The following SVEP1 variants were observed in gnomAD, a reference collection of about 807,000 sequenced individuals.
The protein encoded by SVEP1 is sushi, von Willebrand factor type A, EGF and pentraxin domain-containing protein 1.
Under a neutral mutation model 367.3 loss-of-function variants are expected in SVEP1, and 164 were observed. The ratio of observed to expected loss-of-function variants is 0.45; its 90% CI spans 0.39 to 0.51. The LOEUF is 0.51. Among genes scored for constraint, SVEP1 ranks in the 20% least tolerant of loss-of-function variants. The pLI is 0.00. For synonymous variants in SVEP1, 1,666 were observed against 1,611.6 expected, an observed-to-expected ratio of 1.03 and a Z score of -0.81; for missense variants, 4,117 against 4,425.3, an observed-to-expected ratio of 0.93 and a Z score of 1.98.
chr9:110,489,027 C>T (rs10759433), intron 9 of SVEP1, among the ~76,000 whole-genome samples: 5 of 152,288 alleles, frequency 3.3e-5, no homozygotes, highest in Middle Eastern at 3.4e-3. Context: ...TGGGTGACTC[C>T]GAATAAATGG....
At chr9:110,453,284 T>A (rs1376410019) in intron 22 of SVEP1, among the ~76,000 whole-genome samples, 1 of 152,098 alleles carries the variant, frequency 6.6e-6, no homozygotes, top group Non-Finnish European at 1.5e-5. Context: ...TATTATGGGG[T>A]CATTACTATT....
At chr9:110,531,855 C>T (rs1830022186) in intron 3 of SVEP1, among the ~76,000 whole-genome samples, 1 of 152,172 alleles carries the variant, frequency 6.6e-6, no homozygotes, top group Non-Finnish European at 1.5e-5. Flanking sequence ...ATGTGCACTA[C>T]TGTGGTTTTA....
At chr9:110,465,306 A>G (rs747151519) in intron 18 of SVEP1, among the ~76,000 whole-genome samples, 6 of 152,086 alleles carry the variant, frequency 3.9e-5, no homozygotes, top group Non-Finnish European at 5.9e-5. Flanking sequence ...AAAAAAAAAA[A>G]AAGAAAACCA....
At chr9:110,430,075 C>G in intron 33 of SVEP1, 71 bp from the exon 34 acceptor site, 1 of 1,476,578 alleles carries the variant, frequency 6.8e-7, no homozygotes, top group South Asian at 1.2e-5. Context: ...TTTCAAGGGG[C>G]AGCTCAAGAT....
intron 28 of SVEP1, 51 bp from the exon 29 acceptor site, chr9:110,435,415 G>C (rs952425291): frequency 1.3e-6 from 2 of 1,590,090 alleles, no homozygotes; most frequent in Non-Finnish European, 1.7e-6. Context: ...CATTAAGATG[G>C]AGTTATTACA....
At chr9:110,389,667 C>T in intron 40 of SVEP1, 80 bp from the exon 41 acceptor site, 4 of 1,536,938 alleles carry the variant, frequency 2.6e-6, no homozygotes, top group Non-Finnish European at 3.6e-6. Context: ...GTAATCTTAG[C>T]TATGGCCTTG....
At chr9:110,567,231 C>T (rs1830503168) in intron 1 of SVEP1, among the ~76,000 whole-genome samples, 1 of 152,084 alleles carries the variant, frequency 6.6e-6, no homozygotes, top group African/African-American at 2.4e-5. Context: ...TTGTCGTAAG[C>T]AAGCAGAGGG....
In SVEP1 at chr9:110,468,847, C is replaced by T. The variant is rs1408679739; in HGVS notation, c.3160+93G>A. On this transcript the variant is annotated intron_variant, in intron 17 of 47. Coordinates refer to ENST00000374469, the MANE Select transcript of SVEP1 (RefSeq NM_153366.4). ...TGCCACAGGGGCCTCAGACAAGAGC[C>T]GAGTGTTGGGTGAAGAAAATAAATC... 8 of 1,276,884 alleles carry T rather than the reference C, an allele frequency of 6.3e-6. No homozygotes were observed. In the East Asian group the frequency reaches 7.5e-5, roughly 12 times the overall value. 79.1% of individuals were successfully genotyped at this position (1,276,884 alleles called of 1,614,324 possible). A position where few individuals can be genotyped will look rare whatever the true frequency, so the allele number is the denominator to read the frequency against.
intron 12 of SVEP1, among the ~76,000 whole-genome samples, chr9:110,480,245 A>G (rs1829164232): frequency 6.6e-6 from 1 of 152,200 alleles, no homozygotes; most frequent in Non-Finnish European, 1.5e-5. Context: ...CTTGCATGGT[A>G]GACTTTGCAA....
At chr9:110,525,767 T>C (rs537890133) in intron 3 of SVEP1, among the ~76,000 whole-genome samples, 1 of 151,854 alleles carries the variant, frequency 6.6e-6, no homozygotes, top group Non-Finnish European at 1.5e-5. Flanking sequence ...CTGGCTGATT[T>C]TTTTTTTTTA....
intron 27 of SVEP1, among the ~76,000 whole-genome samples, chr9:110,439,955 CT>C (rs999446912): frequency 5.0e-4 from 76 of 151,966 alleles, no homozygotes; most frequent in Admixed American, 3.0e-3. Context: ...GATAAAAATG[CT>C]TTTTTTAACC....
intron 37 of SVEP1, 101 bp downstream of exon 37, chr9:110,410,962 G>A (rs1828034941): frequency 9.6e-7 from 1 of 1,044,752 alleles, no homozygotes; most frequent in African/African-American, 1.6e-5. Flanking sequence ...CCATGCCTTA[G>A]TGAACTTGGC....
At chr9:110,454,809 G>C (rs1176077968) in intron 22 of SVEP1, among the ~76,000 whole-genome samples, 2 of 152,106 alleles carry the variant, frequency 1.3e-5, no homozygotes, top group Non-Finnish European at 2.9e-5. Flanking sequence ...ACTATTAGAG[G>C]GGAGAAGAAA....
intron 41 of SVEP1, among the ~76,000 whole-genome samples, chr9:110,387,967 A>AATT (rs1827552380): frequency 6.6e-6 from 1 of 152,104 alleles, no homozygotes; most frequent in Non-Finnish European, 1.5e-5. Flanking sequence ...AAATTTAAAT[A>AATT]TAACTGCATG....
chr9:110,516,615 G>A (rs1829807838), intron 3 of SVEP1, among the ~76,000 whole-genome samples: 1 of 151,980 alleles, frequency 6.6e-6, no homozygotes. Context: ...AAAGGACAAC[G>A]TGGTTTCCTT....
At chr9:110,460,081 A>G (rs1006940499) in intron 18 of SVEP1, among the ~76,000 whole-genome samples, 2 of 152,130 alleles carry the variant, frequency 1.3e-5, no homozygotes, top group Non-Finnish European at 2.9e-5. Context: ...TTTACCTATG[A>G]GACGTTCAGC....
chr9:110,397,323 A>G (rs7040140), intron 40 of SVEP1, among the ~76,000 whole-genome samples: 35,562 of 150,486 alleles, frequency 0.24, 1,982 homozygotes, highest in Middle Eastern at 0.33. Flanking sequence ...TGAATAAATT[A>G]GGTATTGATG....
At chr9:110,510,409 C>T (rs1483376542) in intron 5 of SVEP1, among the ~76,000 whole-genome samples, 3 of 152,290 alleles carry the variant, frequency 2.0e-5, no homozygotes, top group South Asian at 2.1e-4. Context: ...GCTTCCTTGA[C>T]TGACCCTGAC....
At chr9:110,374,731 G>T (rs1186096349) in intron 46 of SVEP1, among the ~76,000 whole-genome samples, 4 of 152,142 alleles carry the variant, frequency 2.6e-5, no homozygotes, top group Admixed American at 6.6e-5. Context: ...GTTGGTAAGA[G>T]TGTAAATTAG....
Sources: allele counts gnomAD v4.1 joint callset (sites outside exome capture counted in the v4.1 genomes callset), GRCh38; gene constraint gnomAD v4.1.1; transcripts MANE v1.5; gene names NCBI Gene and HGNC (gene_info 2026-07-23, HGNC 2026-07-21).